CYSTM1: variants seen among roughly 807,000 people sequenced by gnomAD.
The protein encoded by CYSTM1 is cysteine-rich transmembrane module-containing protein 1.
A neutral mutation model predicts 13.1 loss-of-function variants in CYSTM1; 4 were observed. The ratio of observed to expected loss-of-function variants is 0.31; its 90% confidence interval spans 0.15 to 0.70. The LOEUF (loss-of-function observed/expected upper bound fraction) is 0.70, where lower values mean the gene tolerates loss of function less well. CYSTM1 is among the 30% of genes least tolerant of loss of function. CYSTM1 has a pLI of 0.72. For synonymous variants in CYSTM1, 36 were observed against 42.7 expected (o/e 0.84, Z 0.62); for missense variants, 96 against 121.6 (o/e 0.79, Z 0.99).
intron 1 of CYSTM1, 124 bp from the exon 2 acceptor site, chr5:140,194,322 A>C: frequency 6.1e-5 from 53 of 869,652 alleles, no homozygotes; most frequent in East Asian, 1.2e-4. Context: ...GGGCAGAGCT[A>C]GAGATTTGCA....
At chr5:140,224,894 G>A (rs1266239747) in intron 2 of CYSTM1, among the ~76,000 whole-genome samples, 1 of 152,168 alleles carries the variant, frequency 6.6e-6, no homozygotes, top group African/African-American at 2.4e-5. Flanking sequence ...CTTCAAGATG[G>A]TGTCATACCA....
chr5:140,186,089 A>G (rs984512944), intron 1 of CYSTM1, among the ~76,000 whole-genome samples: 1 of 152,160 alleles, frequency 6.6e-6, no homozygotes, highest in Non-Finnish European at 1.5e-5. Flanking sequence ...TGATAATTTT[A>G]TTTATATTAA....
intron 2 of CYSTM1, among the ~76,000 whole-genome samples, chr5:140,240,791 G>A (rs1229092492): frequency 6.6e-6 from 1 of 152,088 alleles, no homozygotes; most frequent in Non-Finnish European, 1.5e-5. Context: ...GGTTTCTCCT[G>A]CGCTAGTCAT....
Position 140,243,369 on chromosome 5 carries a change from G to C in CYSTM1, c.252G>C (p.Trp84Cys), listed in dbSNP as rs1481565074. Reference sequence around the variant, plus strand: ...CATCCACCTGCCTCACAGCCTGCTGGACGGCTCTCTGTTGCTGCTGTCTCT... The same window carrying C: ...CATCCACCTGCCTCACAGCCTGCTGCACGGCTCTCTGTTGCTGCTGTCTCT... ...LGPSTCLTAC[W>C]TALCCCCLWD... is the part of the protein sequence containing the mutation. Residue 84 changes from tryptophan (W) to cysteine (C), a missense_variant, in exon 3 of 3, where the codon TGG (tryptophan) becomes TGC (cysteine). By Grantham distance (215) the Trp-to-Cys change is radical. Transcript: ENST00000261811. The C allele has an allele frequency of 6.2e-7, 1 of 1,614,122 alleles. No individual in the cohort carries two copies. The highest frequency in any genetic ancestry group is 2.2e-5 in the East Asian group (1 of 44,882).
intron 2 of CYSTM1, among the ~76,000 whole-genome samples, chr5:140,231,395 C>G (rs1431356331): frequency 5.9e-5 from 9 of 152,170 alleles, no homozygotes; most frequent in Admixed American, 3.3e-4. Flanking sequence ...TATGCATGCT[C>G]CAGGGAAACC....
At chr5:140,238,842 G>A (rs1480184996) in intron 2 of CYSTM1, among the ~76,000 whole-genome samples, 1 of 152,214 alleles carries the variant, frequency 6.6e-6, no homozygotes, top group African/African-American at 2.4e-5. Context: ...CCAATGCGGG[G>A]CAAGGGCAGT....
chr5:140,226,732 C>T (rs1359739123), intron 2 of CYSTM1, among the ~76,000 whole-genome samples: 6 of 145,604 alleles, frequency 4.1e-5, no homozygotes, highest in Non-Finnish European at 7.5e-5. Context: ...CACCCTTGTA[C>T]TCCAGCCTGG....
chr5:140,243,571 G>T lies in CYSTM1; in HGVS notation c.*160G>T, dbSNP rs942806853. On this transcript the variant is annotated 3_prime_UTR_variant, in exon 3 of 3. Coordinates refer to ENST00000261811, the MANE Select transcript of CYSTM1 (RefSeq NM_032412.4). Reference sequence around the variant, plus strand: ...TTCTAGATTAATGGGGGTTGCTACTGTTTAATTCAGTGACTTGATCTTTTT... The same window carrying T: ...TTCTAGATTAATGGGGGTTGCTACTTTTTAATTCAGTGACTTGATCTTTTT... The T allele has an allele frequency of 7.4e-6, 4 of 539,392 alleles. No homozygotes were observed. Among genetic ancestry groups the T allele is most frequent in the Non-Finnish European group, 1.3e-5 (4 of 307,946 alleles). The allele number at this position is 539,392 out of a possible 1,614,324, so 33.4% of individuals were successfully genotyped here.
intron 1 of CYSTM1, among the ~76,000 whole-genome samples, chr5:140,181,687 A>G (rs933499878): frequency 6.6e-6 from 1 of 152,028 alleles, no homozygotes; most frequent in African/African-American, 2.4e-5. Flanking sequence ...GGGTCTCACT[A>G]TGTTGCCCAG....
chr5:140,199,494 T>C (rs886911356), intron 2 of CYSTM1, among the ~76,000 whole-genome samples: 22 of 152,276 alleles, frequency 1.4e-4, no homozygotes, highest in African/African-American at 5.3e-4. Context: ...TTATTGTTTT[T>C]GTTTTGTGTT....
Position 140,219,620 on chromosome 5 carries a change from C to A in CYSTM1, c.188-23685C>A, listed in dbSNP as rs541760774. 3.9e-5 allele frequency among the ~76,000 whole-genome samples: 6 copies of A among 152,126 alleles called. No individual in the cohort carries two copies. Among genetic ancestry groups the A allele is most frequent in the Non-Finnish European group, 8.8e-5 (6 of 68,036 alleles). ...GGCAGTAGAAAAAGAAAACAACCTG[C>A]GGTGCTTTGCATAAATATATCTCCT... On this transcript the variant is annotated intron_variant, in intron 2 of 2. Transcript: ENST00000261811. The surrounding 1 kb of genome is among the most constrained non-coding windows in gnomAD (Gnocchi z 4.1).
At chr5:140,189,395 C>A (rs1299253434) in intron 1 of CYSTM1, among the ~76,000 whole-genome samples, 1 of 151,872 alleles carries the variant, frequency 6.6e-6, no homozygotes, top group Non-Finnish European at 1.5e-5. Flanking sequence ...TTGTAAGCTA[C>A]CTGAGAGCTT....
At chr5:140,188,117 C>T (rs1764040161) in intron 1 of CYSTM1, among the ~76,000 whole-genome samples, 2 of 149,184 alleles carry the variant, frequency 1.3e-5, no homozygotes, top group African/African-American at 5.0e-5. Context: ...GTTCTGTTGC[C>T]CAGACTAGAG....
At chr5:140,204,517 AC>A (rs765494827) in intron 2 of CYSTM1, among the ~76,000 whole-genome samples, 3 of 150,822 alleles carry the variant, frequency 2.0e-5, no homozygotes, top group East Asian at 3.9e-4. Context: ...CCTTATCTGC[AC>A]CCCCCCACCC....
chr5:140,205,863 C>A (rs1414718060), intron 2 of CYSTM1, among the ~76,000 whole-genome samples: 1 of 152,048 alleles, frequency 6.6e-6, no homozygotes, highest in African/African-American at 2.4e-5. Context: ...GAAACTGGGA[C>A]AGCTCCAAAG....
chr5:140,189,162 A>G (rs1033828918), intron 1 of CYSTM1, among the ~76,000 whole-genome samples: 1 of 152,122 alleles, frequency 6.6e-6, no homozygotes, highest in African/African-American at 2.4e-5. Context: ...TCATCTTGGG[A>G]TGTGATCCCC....
intron 1 of CYSTM1, among the ~76,000 whole-genome samples, chr5:140,178,825 C>T (rs1763924432): frequency 6.6e-6 from 1 of 152,044 alleles, no homozygotes; most frequent in South Asian, 2.1e-4. Flanking sequence ...TCCCCTCAAA[C>T]TCCTAGGCTC....
At chr5:140,183,345 T>C in intron 1 of CYSTM1, among the ~76,000 whole-genome samples, 1 of 152,358 alleles carries the variant, frequency 6.6e-6, no homozygotes, top group East Asian at 1.9e-4. Context: ...CCCTTTTCCT[T>C]TCCCTTCTGT....
intron 2 of CYSTM1, among the ~76,000 whole-genome samples, chr5:140,238,851 G>A (rs1561484870): frequency 6.6e-6 from 1 of 152,372 alleles, no homozygotes; most frequent in East Asian, 1.9e-4. Flanking sequence ...GGCAAGGGCA[G>A]TTGAGCAGAC....
Sources: allele counts gnomAD v4.1 joint callset (sites outside exome capture counted in the v4.1 genomes callset), GRCh38; gene constraint gnomAD v4.1.1; non-coding constraint Gnocchi (gnomAD v3.1); transcripts MANE v1.5; gene names NCBI Gene and HGNC (gene_info 2026-07-23, HGNC 2026-07-21).